The following PKD1 variants were observed in gnomAD, a reference collection of about 807,000 sequenced individuals.
PKD1 encodes the protein polycystin-1.
In PKD1, 81 loss-of-function variants were observed where a neutral mutation model predicts 361.7. That is an observed-to-expected ratio of 0.22 (90% CI 0.19 to 0.27). The LOEUF is 0.27. Among genes scored for constraint, PKD1 ranks in the 10% least tolerant of loss-of-function variants. PKD1 has a pLI of 1.00. For synonymous variants in PKD1, 3,615 were observed against 2,818.3 expected (o/e 1.28, Z -8.95); for missense variants, 6,399 against 6,118.3 (o/e 1.05, Z -1.53).
In PKD1 at chr16:2,110,442, G is replaced by A. The variant is rs1391868918; in HGVS notation, c.4725C>T (p.Gly1575=). The A allele has an allele frequency of 1.4e-5, 23 of 1,612,494 alleles. No homozygotes were observed. The highest frequency in any genetic ancestry group is 1.9e-5 in the Non-Finnish European group (23 of 1,179,860). Residue 1575 remains glycine, a synonymous_variant, in exon 15 of 46, where the codon GGC becomes GGT. Coordinates refer to ENST00000262304, the MANE Select transcript of PKD1 (RefSeq NM_001009944.3). ...GCACCCAGGAATAGCGCACATCACT[G>A]CCGGCCTCCAGCGACGTGCTGAAGC... ...SVSFSTSLEA[G]SDVRYSWVLC...
At chr16:2,096,153 T>C (rs1265161144) in intron 34 of PKD1, among the ~76,000 whole-genome samples, 1 of 152,224 alleles carries the variant, frequency 6.6e-6, no homozygotes, top group Non-Finnish European at 1.5e-5. Flanking sequence ...TTCTGAGAAA[T>C]GCGTCATTAG....
At chr16:2,107,704 C>T in intron 16 of PKD1, 179 bp downstream of exon 16, 3 of 670,376 alleles carry the variant, frequency 4.5e-6, no homozygotes, top group South Asian at 1.7e-5. Flanking sequence ...GTACGTGGAA[C>T]TGTGGCAGGT....
chr16:2,108,419 T>A lies in PKD1; in HGVS notation c.6748A>T (p.Thr2250Ser), dbSNP rs1271992168. Reference protein sequence around the residue: ...PLTQSIQANVTVAPERLVPII... With the variant: ...PLTQSIQANVSVAPERLVPII... ...GGCACCAGGCGCTCGGGGGCCACCG[T>A]CACATTGGCCTGGATGCTCTGTGTC... The change falls in exon 15 of 46, where the codon ACG becomes TCG. Residue 2250 changes from threonine to serine, a missense_variant. Thr to Ser is a moderately conservative substitution (Grantham distance 58, BLOSUM62 1). Coordinates refer to ENST00000262304, the MANE Select transcript of PKD1 (RefSeq NM_001009944.3). The A allele has an allele frequency of 1.4e-5, 23 of 1,610,492 alleles. No homozygotes were observed. The highest frequency in any genetic ancestry group is 1.9e-5 in the Non-Finnish European group (22 of 1,179,732).
Position 2,115,561 on chromosome 16 carries a change from G to A in PKD1, c.1914C>T (p.Pro638=), listed in dbSNP as rs777208671. The change falls in exon 10 of 46, where the codon CCC becomes CCT. Residue 638 remains proline, a synonymous_variant. Coordinates refer to ENST00000262304, the MANE Select transcript of PKD1 (RefSeq NM_001009944.3). ...ACCAGCGTCCCCCTGGCATGCACGC[G>A]GGGGCCAGCTGGGTCCTGTTGTCCG... ...RSPDNRTQLA[P]ACMPGGRWCP... is the part of the protein sequence containing the mutation. 1.3e-4 allele frequency: 202 copies of A among 1,590,016 alleles called. 3 individuals carry two copies. In the East Asian group the frequency reaches 2.8e-3, roughly 22 times the overall value.
Position 2,112,425 on chromosome 16 carries a change from C to T in PKD1, c.3210G>A (p.Pro1070=), listed in dbSNP as rs2369075. ...CTGGAACCGGGAAGGACTCGTTGTACGGAGGCTGGAACTGGTGGAGGGCCT... is the reference window on the plus strand; with the variant it reads ...CTGGAACCGGGAAGGACTCGTTGTATGGAGGCTGGAACTGGTGGAGGGCCT... ...GEQALHQFQP[P]YNESFPVPDP... Residue 1070 remains proline, a synonymous_variant, in exon 14 of 46, where the codon CCG becomes CCA. Transcript: ENST00000262304. The T allele has an allele frequency of 4.7e-5, 74 of 1,585,596 alleles. No individual in the cohort carries two copies. The highest frequency in any genetic ancestry group is 2.3e-4 in the Middle Eastern group (1 of 4,402).
Position 2,091,467 on chromosome 16 carries a change from G to A in PKD1, c.11668C>T (p.Leu3890=). 2 of 1,319,386 alleles carry A rather than the reference G, an allele frequency of 1.5e-6. No homozygotes were observed. The highest frequency in any genetic ancestry group is 1.9e-6 in the Non-Finnish European group (2 of 1,038,198). 81.7% of individuals were successfully genotyped at this position (1,319,386 alleles called of 1,614,324 possible). The change falls in exon 42 of 46, where the codon CTG becomes TTG. Residue 3890 remains leucine, a synonymous_variant. Transcript: ENST00000262304. ...GAGAGGCCCGCGCTGAGGCGGCGCA[G>A]CGCAAAGGGGCGGACGCTGAGGGCG... The part of the protein sequence containing the change: ...LAALSVRPFA[L]RRLSAGLSLP...
chr16:2,109,881 G>A lies in PKD1; in HGVS notation c.5286C>T (p.Thr1762=), dbSNP rs752443497. The change falls in exon 15 of 46, where the codon ACC becomes ACT. Residue 1762 remains threonine (T), a synonymous_variant. Coordinates refer to ENST00000262304, the MANE Select transcript of PKD1 (RefSeq NM_001009944.3). Reference sequence around the variant, plus strand: ...AGCTATGGGTGGTAAATGGCTCGGAGGTCTCCCAGCTCAGCCCCTCCTCCA... The same window carrying A: ...AGCTATGGGTGGTAAATGGCTCGGAAGTCTCCCAGCTCAGCCCCTCCTCCA... ...WSLEEGLSWE[T]SEPFTTHSFP... 24 of 1,610,560 alleles carry A rather than the reference G, an allele frequency of 1.5e-5. No individual in the cohort carries two copies. The highest frequency in any genetic ancestry group is 4.0e-5 in the African/African-American group (3 of 74,850).
At chr16:2,130,781 C>G (rs1321078743) in intron 1 of PKD1, among the ~76,000 whole-genome samples, 1 of 152,232 alleles carries the variant, frequency 6.6e-6, no homozygotes, top group Non-Finnish European at 1.5e-5. Context: ...CCCACACTCT[C>G]CTGTCATTCA....
chr16:2,116,258 C>T (rs534861095), intron 8 of PKD1, 140 bp from the exon 9 acceptor site: 8 of 908,010 alleles, frequency 8.8e-6, no homozygotes, highest in African/African-American at 6.6e-5. Flanking sequence ...TCCTGTCGCT[C>T]GAGAGGAAGA....
Position 2,103,523 on chromosome 16 carries a change from G to C in PKD1, c.8534C>G (p.Ser2845Cys), listed in dbSNP as rs138294453. 1.6e-5 allele frequency: 25 copies of C among 1,606,934 alleles called. 1 individual carries two copies. Among genetic ancestry groups the C allele is most frequent in the Middle Eastern group, 4.5e-4 (2 of 4,452 alleles). ...PFGYISNYTV[S>C]TKVASMAFQT... Reference sequence around the variant, plus strand: ...GAATGCCATCGAGGCCACCTTGGTGGAGACGGTGTAGTTGCTGATATAGCC... The same window carrying C: ...GAATGCCATCGAGGCCACCTTGGTGCAGACGGTGTAGTTGCTGATATAGCC... The change falls in exon 23 of 46, where the codon TCC becomes TGC. Residue 2845 changes from serine (S) to cysteine (C), a missense_variant. Transcript: ENST00000262304.
chr16:2,088,974 T>A lies in PKD1; in HGVS notation c.*753A>T, dbSNP rs1325255215. On this transcript the variant is annotated 3_prime_UTR_variant, in exon 46 of 46. Transcript: ENST00000262304. ...CTAACCACCCTGGGGTCCTCTGACA[T>A]GCCTAGTCCTGCTACTTGCCCAGAC... 3.3e-6 allele frequency: 1 copy of A among 304,636 alleles called. No homozygotes were observed. The highest frequency in any genetic ancestry group is 6.3e-6 in the Non-Finnish European group (1 of 158,600). The allele number at this position is 304,636 out of a possible 1,614,324, so 18.9% of individuals were successfully genotyped here.
At chr16:2,121,172 A>C (rs2092714312) in intron 1 of PKD1, among the ~76,000 whole-genome samples, 1 of 151,924 alleles carries the variant, frequency 6.6e-6, no homozygotes, top group Non-Finnish European at 1.5e-5. Context: ...TCAAGACCAG[A>C]CCGACCAACA....
In PKD1 at chr16:2,107,786, C is replaced by T. The variant is rs143545126; in HGVS notation, c.7065+97G>A. ...TGCATCAGAAACAGAGAGGGGAGAG[C>T]GTGCGGCCTCCACCAGCACTAAAAC... On this transcript the variant is annotated intron_variant, in intron 16 of 45. Coordinates refer to ENST00000262304, the MANE Select transcript of PKD1 (RefSeq NM_001009944.3). 6,283 of 1,126,080 alleles carry T rather than the reference C, an allele frequency of 5.6e-3. 26 individuals carry two copies. Among genetic ancestry groups the T allele is most frequent in the Non-Finnish European group, 6.7e-3 (5,199 of 774,332 alleles). 69.8% of individuals were successfully genotyped at this position (1,126,080 alleles called of 1,614,324 possible).
intron 39 of PKD1, 44 bp downstream of exon 39, chr16:2,092,436 C>G (rs1567154816): frequency 7.4e-7 from 1 of 1,355,118 alleles, no homozygotes. Context: ...GCTCTCTCAA[C>G]AAGAGGAACG....
Position 2,091,500 on chromosome 16 carries a change from C to T in PKD1, c.11635G>A (p.Ala3879Thr). 7.0e-7 allele frequency: 1 copy of T among 1,421,986 alleles called. No individual in the cohort carries two copies. Among genetic ancestry groups the T allele is most frequent in the Non-Finnish European group, 9.1e-7 (1 of 1,096,306 alleles). 88.1% of individuals were successfully genotyped at this position (1,421,986 alleles called of 1,614,324 possible). A position where few individuals can be genotyped will look rare whatever the true frequency, so the allele number is the denominator to read the frequency against. Residue 3879 changes from alanine to threonine, a missense_variant, in exon 42 of 46, where the codon GCC (alanine) becomes ACC (threonine). Transcript: ENST00000262304. ...GGGCGGACGCTGAGGGCGGCCAGGGCGCGGCCGGCCGCCGGGAACTCGAGG... is the reference window on the plus strand; with the variant it reads ...GGGCGGACGCTGAGGGCGGCCAGGGTGCGGCCGGCCGCCGGGAACTCGAGG... Reference protein sequence around the residue: ...LRLEFPAAGRALAALSVRPFA... With the variant: ...LRLEFPAAGRTLAALSVRPFA...
chr16:2,107,543 G>A (rs56039108), intron 16 of PKD1: 23,671 of 432,432 alleles, frequency 0.055, 828 homozygotes, highest in Non-Finnish European at 0.066. Flanking sequence ...AGGGGAGCGT[G>A]AGGGTGAGAA....
chr16:2,113,481 G>T, intron 11 of PKD1, 189 bp from the exon 12 acceptor site: 1 of 651,800 alleles, frequency 1.5e-6, no homozygotes. Flanking sequence ...TCTCCAGCCA[G>T]CCATGTAGTA....
At chr16:2,115,138 A>AGGAGCAGCTGTGCTGGG in intron 10 of PKD1, 1 of 929,358 alleles carries the variant, frequency 1.1e-6, no homozygotes, top group Non-Finnish European at 1.3e-6. Context: ...GCAGACAGGA[A>AGGAGCAGCTGTGCTGGG]GGAGCAGCTG....
intron 14 of PKD1, 104 bp downstream of exon 14, chr16:2,112,236 T>G: frequency 1.0e-6 from 1 of 992,664 alleles, no homozygotes; most frequent in Non-Finnish European, 1.5e-6. Flanking sequence ...GAGGTCACAG[T>G]GAGGGCTGTT....
Sources: allele counts gnomAD v4.1 joint callset (sites outside exome capture counted in the v4.1 genomes callset), GRCh38; gene constraint gnomAD v4.1.1; transcripts MANE v1.5; gene names NCBI Gene and HGNC (gene_info 2026-07-23, HGNC 2026-07-21).